Variants in DCDC1 observed in about 807,000 individuals in gnomAD.
DCDC1 encodes the protein doublecortin domain-containing protein 1.
A neutral mutation model predicts 178.3 loss-of-function variants in DCDC1; 200 were observed. The observed-to-expected ratio is 1.12, with a 90% CI of 1.00 to 1.26. DCDC1 has a LOEUF of 1.26. Among genes scored for constraint, DCDC1 ranks in the 50% most tolerant of loss-of-function variants. The pLI, the probability that DCDC1 is intolerant of heterozygous loss-of-function variation, is 0.00. For missense variants in DCDC1, 1,983 were observed against 1,749.2 expected, an observed-to-expected ratio of 1.13 and a Z score of -2.38; for synonymous variants, 690 against 604.8, an observed-to-expected ratio of 1.14 and a Z score of -2.07.
intron 7 of DCDC1, chr11:31,280,533 C>T (rs760153023): frequency 6.2e-5 from 16 of 259,882 alleles, no homozygotes; most frequent in Non-Finnish European, 9.8e-5. Context: ...AGTTTTAAAT[C>T]AGGACTGCCC....
chr11:31,006,080 C>G (rs1435916291), intron 20 of DCDC1, among the ~76,000 whole-genome samples: 1 of 151,980 alleles, frequency 6.6e-6, no homozygotes, highest in African/African-American at 2.4e-5. Context: ...CACTTTTCCA[C>G]CCATACTCTC....
chr11:31,241,127 A>G (rs1278547588), intron 9 of DCDC1, among the ~76,000 whole-genome samples: 1 of 152,028 alleles, frequency 6.6e-6, no homozygotes. Flanking sequence ...TCAACCTTCA[A>G]ATGACTTAGG....
At chr11:31,314,286 AT>A (rs1480994605) in intron 3 of DCDC1, among the ~76,000 whole-genome samples, 1 of 152,234 alleles carries the variant, frequency 6.6e-6, no homozygotes, top group African/African-American at 2.4e-5. Flanking sequence ...ATACAAGAAC[AT>A]TAATCATATT....
intron 1 of DCDC1, among the ~76,000 whole-genome samples, chr11:31,351,175 A>G (rs1386534422): frequency 6.6e-6 from 1 of 152,120 alleles, no homozygotes; most frequent in Non-Finnish European, 1.5e-5. Context: ...ACTACAGGAA[A>G]AGGTACTAAT....
chr11:31,363,977 G>C (rs936421907), intron 1 of DCDC1, among the ~76,000 whole-genome samples: 1 of 152,120 alleles, frequency 6.6e-6, no homozygotes. Flanking sequence ...GCTAGTGATA[G>C]TTAGTAAAAT....
At chr11:31,256,080 A>G (rs532417078) in intron 8 of DCDC1, among the ~76,000 whole-genome samples, 28 of 152,308 alleles carry the variant, frequency 1.8e-4, no homozygotes, top group African/African-American at 5.3e-4. Context: ...TGAAGACACT[A>G]TTCTTTTCCC....
At chr11:31,041,884 A>G (rs1001989781) in intron 20 of DCDC1, among the ~76,000 whole-genome samples, 2 of 152,180 alleles carry the variant, frequency 1.3e-5, no homozygotes, top group Non-Finnish European at 2.9e-5. Context: ...AAGCAAAATG[A>G]CTTTATGTTT....
intron 21 of DCDC1, among the ~76,000 whole-genome samples, chr11:30,950,737 T>G (rs776116248): frequency 1.3e-5 from 2 of 149,790 alleles, no homozygotes; most frequent in African/African-American, 2.5e-5. Flanking sequence ...TAAAGGGAGG[T>G]TGTTTAATAG....
chr11:30,997,833 GTA>G (rs1443335980), intron 20 of DCDC1, among the ~76,000 whole-genome samples: 1 of 150,142 alleles, frequency 6.7e-6, no homozygotes, highest in African/African-American at 2.5e-5. Context: ...GTGTGTGTGT[GTA>G]CACACACTAG....
chr11:30,919,903 T>C (rs1946125868), intron 25 of DCDC1, among the ~76,000 whole-genome samples: 1 of 152,218 alleles, frequency 6.6e-6, no homozygotes, highest in African/African-American at 2.4e-5. Context: ...ACAGAATCTT[T>C]GCCCTCAACG....
At chr11:31,350,191 G>A (rs1951004128) in intron 1 of DCDC1, among the ~76,000 whole-genome samples, 1 of 151,984 alleles carries the variant, frequency 6.6e-6, no homozygotes, top group Non-Finnish European at 1.5e-5. Flanking sequence ...ACCCATTAGT[G>A]GAGCAAAATA....
intron 29 of DCDC1, among the ~76,000 whole-genome samples, chr11:30,907,946 T>C (rs550840971): frequency 1.3e-5 from 2 of 152,322 alleles, no homozygotes; most frequent in East Asian, 3.9e-4. Flanking sequence ...TTTTGAGTAG[T>C]CAAATATTGA....
intron 9 of DCDC1, among the ~76,000 whole-genome samples, chr11:31,238,152 C>T (rs1383435541): frequency 5.3e-5 from 8 of 151,490 alleles, no homozygotes; most frequent in Admixed American, 4.0e-4. Context: ...TGTTGGTTGG[C>T]GGGGAAATTC....
In DCDC1 at chr11:31,263,811, C is replaced by A. The variant is rs1360509246; in HGVS notation, c.1054+1696G>T. Among the ~76,000 whole-genome samples, 6 of 152,130 alleles carry A rather than the reference C, an allele frequency of 3.9e-5. No homozygotes were observed. In the South Asian group the frequency reaches 1.2e-3, roughly 32 times the overall value. Reference sequence around the variant, plus strand: ...TCACTTCAGTTGTCGGAATCACTACCCTTGCAGTTAAAGGCATGTTATTTA... The same window carrying A: ...TCACTTCAGTTGTCGGAATCACTACACTTGCAGTTAAAGGCATGTTATTTA... On this transcript the variant is annotated intron_variant, in intron 8 of 38. Transcript: ENST00000684477.
intron 38 of DCDC1, among the ~76,000 whole-genome samples, chr11:30,875,839 A>G (rs925778943): frequency 9.2e-5 from 14 of 152,312 alleles, no homozygotes; most frequent in Middle Eastern, 3.4e-3. Flanking sequence ...ATTTTGAATC[A>G]TTACTAATAT....
intron 16 of DCDC1, among the ~76,000 whole-genome samples, chr11:31,093,551 G>A (rs34380390): frequency 0.014 from 2,096 of 152,260 alleles, 30 homozygotes; most frequent in South Asian, 0.055. Context: ...ATAATAAAGT[G>A]AAAAATATTA....
chr11:31,343,744 C>A (rs1443191883), intron 1 of DCDC1, among the ~76,000 whole-genome samples: 1 of 152,046 alleles, frequency 6.6e-6, no homozygotes, highest in Non-Finnish European at 1.5e-5. Context: ...CATATTGAAA[C>A]CCTGTCTCTA....
chr11:31,303,586 A>C (rs1170877291), intron 6 of DCDC1, among the ~76,000 whole-genome samples: 2 of 152,120 alleles, frequency 1.3e-5, no homozygotes, highest in Admixed American at 6.6e-5. Context: ...AGTGATATGT[A>C]ATATATCACT....
intron 3 of DCDC1, among the ~76,000 whole-genome samples, chr11:31,310,826 TC>T (rs1948729665): frequency 6.6e-6 from 1 of 152,092 alleles, no homozygotes; most frequent in South Asian, 2.1e-4. Context: ...CACTTAGGCT[TC>T]AAGTGATAAG....
Sources: allele counts gnomAD v4.1 joint callset (sites outside exome capture counted in the v4.1 genomes callset), GRCh38; gene constraint gnomAD v4.1.1; transcripts MANE v1.5; gene names NCBI Gene and HGNC (gene_info 2026-07-23, HGNC 2026-07-21).